RPTOR: variants seen among roughly 807,000 people sequenced by gnomAD.
RPTOR encodes regulatory-associated protein of mTOR.
A neutral mutation model predicts 169.9 loss-of-function variants in RPTOR; 21 were observed. The ratio of observed to expected loss-of-function variants is 0.12; its 90% CI spans 0.09 to 0.18. The LOEUF (loss-of-function observed/expected upper bound fraction) is 0.18. Among genes scored for constraint, RPTOR ranks in the 10% least tolerant of loss-of-function variants. The probability of loss-of-function intolerance (pLI) is 1.00; values close to 1 mark genes in which losing one functional copy is unlikely to be tolerated. For synonymous variants in RPTOR, 732 were observed against 753.2 expected, an observed-to-expected ratio of 0.97 and a Z score of 0.46; for missense variants, 1,133 against 1,855.9, an observed-to-expected ratio of 0.61 and a Z score of 7.16.
Position 80,659,409 on chromosome 17 carries a change from G to A in RPTOR, c.348+15599G>A, listed in dbSNP as rs1008519540. 7.2e-5 allele frequency among the ~76,000 whole-genome samples: 11 copies of A among 152,164 alleles called. No homozygotes were observed. The highest frequency in any genetic ancestry group is 1.0e-4 in the Non-Finnish European group (7 of 68,024). On this transcript the variant is annotated intron_variant, in intron 3 of 33. Transcript: ENST00000306801. This position sits in a 1 kb window ranked among gnomAD's most constrained non-coding sequence, Gnocchi z 4.3. Reference sequence around the variant, plus strand: ...TGCAGTGGTGCAATCACGGGTCACCGCAGCCTCGACCTCCTGGGCTCAAGT... The same window carrying A: ...TGCAGTGGTGCAATCACGGGTCACCACAGCCTCGACCTCCTGGGCTCAAGT...
intron 1 of RPTOR, among the ~76,000 whole-genome samples, chr17:80,564,253 G>A (rs1236894804): frequency 1.3e-5 from 2 of 152,068 alleles, no homozygotes; most frequent in East Asian, 3.9e-4. Flanking sequence ...TAGTAGAGAT[G>A]GGGTTTTACC....
In RPTOR at chr17:80,947,208, C is replaced by T. The variant is rs2069114689; in HGVS notation, c.3141-19C>T. On this transcript the variant is annotated intron_variant, in intron 26 of 33. Coordinates refer to ENST00000306801, the MANE Select transcript of RPTOR (RefSeq NM_020761.3). The surrounding 1 kb of genome is among the most constrained non-coding windows in gnomAD (Gnocchi z 4.4). ...GCAGTTTCCTAATGACTTTTTTATT[C>T]CTCTCTTCTTCCCTTAAGCTTTTGG... is the stretch of plus-strand genomic sequence containing the variant. 6.4e-7 allele frequency: 1 copy of T among 1,557,924 alleles called. No homozygotes were observed.
chr17:80,955,188 A>T (rs1292754028), intron 28 of RPTOR, among the ~76,000 whole-genome samples: 1 of 152,270 alleles, frequency 6.6e-6, no homozygotes, highest in East Asian at 1.9e-4. Flanking sequence ...TAAAATGCAG[A>T]CCAGCCAAGG....
At chr17:80,872,155 G>A (rs896120831) in intron 13 of RPTOR, among the ~76,000 whole-genome samples, 1 of 152,322 alleles carries the variant, frequency 6.6e-6, no homozygotes, top group Non-Finnish European at 1.5e-5. Context: ...TGTCATCAGC[G>A]AGGAGGGGCT....
chr17:80,554,758 CAAAACAAAACA>C lies in RPTOR; in HGVS notation c.162+8970_162+8980del, dbSNP rs1568300850. 5.0e-4 allele frequency among the ~76,000 whole-genome samples: 63 copies of C among 125,284 alleles called. No homozygotes were observed. The East Asian group carries it at 0.012, about 25-fold the overall frequency. 82.2% of individuals were successfully genotyped at this position (125,284 alleles called of 152,430 possible). On this transcript the variant is annotated intron_variant, in intron 1 of 33. Transcript: ENST00000306801. ...GACTCTGTCTCAAAACAAAACAAAA[CAAAACAAAACA>C]AACAACAACAACAACAAAAAAAATG...
chr17:80,959,728 T>C lies in RPTOR; in HGVS notation c.3478-350T>C, dbSNP rs1035221700. Among the ~76,000 whole-genome samples the C allele has an allele frequency of 6.6e-6, 1 of 152,230 alleles. No individual in the cohort carries two copies. The highest frequency in any genetic ancestry group is 2.4e-5 in the African/African-American group (1 of 41,466). ...AAACAGAGAGAGGTTGGAAGTTTAA[T>C]TGGCACTGACAGCCAGTCCTTCCCA... On this transcript the variant is annotated intron_variant, in intron 29 of 33. Transcript: ENST00000306801. The surrounding 1 kb of genome is among the most constrained non-coding windows in gnomAD (Gnocchi z 6.7).
chr17:80,557,818 C>T (rs1246622303), intron 1 of RPTOR, among the ~76,000 whole-genome samples: 6 of 149,552 alleles, frequency 4.0e-5, no homozygotes, highest in Admixed American at 1.3e-4. Flanking sequence ...CCCAGCTACT[C>T]GGGAGGCTGA....
In RPTOR at chr17:80,685,627, A is replaced by ATTTTTTTT. The variant is rs1165540456; in HGVS notation, c.349-22191_349-22184dup. ...CATATATATATATATATATATATAT[A>ATTTTTTTT]TTTTTTTTTTTTTTTTTTTTTTTTT... On this transcript the variant is annotated intron_variant, in intron 3 of 33. Coordinates refer to ENST00000306801, the MANE Select transcript of RPTOR (RefSeq NM_020761.3). Among the ~76,000 whole-genome samples the ATTTTTTTT allele has an allele frequency of 3.9e-4, 12 of 30,666 alleles. 1 individual carries two copies. The highest frequency in any genetic ancestry group is 5.4e-4 in the Non-Finnish European group (10 of 18,626). The allele number at this position is 30,666 out of a possible 152,430, so 20.1% of individuals were successfully genotyped here. A position where few individuals can be genotyped will look rare whatever the true frequency, so the allele number is the denominator to read the frequency against.
At chr17:80,897,713 A>G (rs1408889609) in intron 20 of RPTOR, among the ~76,000 whole-genome samples, 4 of 152,152 alleles carry the variant, frequency 2.6e-5, no homozygotes, top group Non-Finnish European at 4.4e-5. Context: ...TGGTTTAGAC[A>G]TTGAGTCTGT....
Position 80,936,801 on chromosome 17 carries a change from A to G in RPTOR, c.2920-3695A>G, listed in dbSNP as rs1360287474. Among the ~76,000 whole-genome samples the G allele has an allele frequency of 6.6e-6, 1 of 152,216 alleles. No homozygotes were observed. The highest frequency in any genetic ancestry group is 2.4e-5 in the African/African-American group (1 of 41,464). On this transcript the variant is annotated intron_variant, in intron 24 of 33. Transcript: ENST00000306801. The surrounding 1 kb of genome is among the most constrained non-coding windows in gnomAD (Gnocchi z 4.1). ...TTGTGCTGAAGTCACATGAAAGATG[A>G]TGTAAATGCCTTGTTGAGGAGTGAA... is the stretch of plus-strand genomic sequence containing the variant.
chr17:80,697,448 G>T (rs536369300), intron 3 of RPTOR, among the ~76,000 whole-genome samples: 5 of 152,324 alleles, frequency 3.3e-5, no homozygotes, highest in South Asian at 2.1e-4. Flanking sequence ...GTTTCACCAG[G>T]GACCTGCCCC....
intron 1 of RPTOR, among the ~76,000 whole-genome samples, chr17:80,571,618 T>C (rs2064907308): frequency 6.6e-6 from 1 of 151,200 alleles, no homozygotes; most frequent in African/African-American, 2.5e-5. Context: ...CCTCCTGGGC[T>C]CAATTGATCC....
rs1490737897 is a variant in RPTOR at position 80,746,249 on chromosome 17, C to T, written c.655-7761C>T. ...CGGGTGATCCCCACCGCCCCCACAG[C>T]GGTGCTTTCTGCGGGTGATCCCCAC... On this transcript the variant is annotated intron_variant, in intron 5 of 33. Transcript: ENST00000306801. The surrounding 1 kb of genome is among the most constrained non-coding windows in gnomAD (Gnocchi z 4.5). 7.1e-6 allele frequency among the ~76,000 whole-genome samples: 1 copy of T among 141,838 alleles called. No homozygotes were observed. Among genetic ancestry groups the T allele is most frequent in the African/African-American group, 2.6e-5 (1 of 38,936 alleles). The allele number at this position is 141,838 out of a possible 152,430, so 93.1% of individuals were successfully genotyped here.
In RPTOR at chr17:80,774,090, A is replaced by C. The variant is rs767829698; in HGVS notation, c.831-17360A>C. On this transcript the variant is annotated intron_variant, in intron 6 of 33. Transcript: ENST00000306801. ...AGCACTGATCATTGTGTTCACTAGA[A>C]ACACCTCAAGTTTTTAAAAGGCTCC... 44 of 985,362 alleles carry C rather than the reference A, an allele frequency of 4.5e-5. No individual in the cohort carries two copies. The Middle Eastern group carries it at 1.6e-3, about 35-fold the overall frequency. The allele number at this position is 985,362 out of a possible 1,614,324, so 61.0% of individuals were successfully genotyped here.
At chr17:80,779,654 C>T (rs1210297637) in intron 6 of RPTOR, among the ~76,000 whole-genome samples, 2 of 152,016 alleles carry the variant, frequency 1.3e-5, no homozygotes, top group African/African-American at 4.8e-5. Context: ...CTCAGTGGCG[C>T]ATGTCTGGAG....
chr17:80,651,331 T>C lies in RPTOR; in HGVS notation c.348+7521T>C, dbSNP rs1298115962. ...TTGTAAAATCCTGCTCCAGCCAAAT[T>C]GGAAAGTGCTGATCAAGGGGGAAAC... is the stretch of plus-strand genomic sequence containing the variant. On this transcript the variant is annotated intron_variant, in intron 3 of 33. Transcript: ENST00000306801. This position sits in a 1 kb window ranked among gnomAD's most constrained non-coding sequence, Gnocchi z 4.1. 6.6e-6 allele frequency among the ~76,000 whole-genome samples: 1 copy of C among 152,032 alleles called. No homozygotes were observed. Among genetic ancestry groups the C allele is most frequent in the East Asian group, 1.9e-4 (1 of 5,188 alleles).
chr17:80,632,187 T>C (rs2065447290), intron 2 of RPTOR, among the ~76,000 whole-genome samples: 1 of 152,196 alleles, frequency 6.6e-6, no homozygotes. Context: ...ATTGACTTCT[T>C]ATTAGCCACC....
intron 11 of RPTOR, among the ~76,000 whole-genome samples, chr17:80,853,466 T>C (rs1469321713): frequency 6.6e-6 from 1 of 152,098 alleles, no homozygotes; most frequent in African/African-American, 2.4e-5. Context: ...CGGTCATTTG[T>C]TTAATGTCTG....
chr17:80,747,788 C>T (rs553923079), intron 5 of RPTOR, among the ~76,000 whole-genome samples: 2 of 152,348 alleles, frequency 1.3e-5, no homozygotes, highest in African/African-American at 4.8e-5. Flanking sequence ...CATGTGGCTC[C>T]TGTACACTGG....
Sources: allele counts gnomAD v4.1 joint callset (sites outside exome capture counted in the v4.1 genomes callset), GRCh38; gene constraint gnomAD v4.1.1; non-coding constraint Gnocchi (gnomAD v3.1); transcripts MANE v1.5; gene names NCBI Gene and HGNC (gene_info 2026-07-23, HGNC 2026-07-21).